Variants in CYP4Z1 observed in about 807,000 individuals in gnomAD.
The protein encoded by CYP4Z1 is cytochrome P450 4Z1.
A neutral mutation model predicts 54.2 loss-of-function variants in CYP4Z1; 41 were observed. The ratio of observed to expected loss-of-function variants is 0.76; its 90% CI spans 0.59 to 0.98. The LOEUF is 0.98. Among genes scored for constraint, CYP4Z1 ranks in the 50% least tolerant of loss-of-function variants. CYP4Z1 has a pLI of 0.00. For missense variants in CYP4Z1, 513 were observed against 599.0 expected, an observed-to-expected ratio of 0.86 and a Z score of 1.50; for synonymous variants, 163 against 206.2, an observed-to-expected ratio of 0.79 and a Z score of 1.79.
chr1:47,058,367 A>T, the CYP4Z1 span, among the ~76,000 whole-genome samples: 1 of 152,102 alleles, frequency 6.6e-6, no homozygotes, highest in Non-Finnish European at 1.5e-5. Flanking sequence ...CCAGGCTCAG[A>T]AACATTTTCT....
chr1:47,061,293 AT>A, the CYP4Z1 span, among the ~76,000 whole-genome samples: 2 of 152,288 alleles, frequency 1.3e-5, no homozygotes, highest in South Asian at 4.1e-4. Flanking sequence ...AGCCACACTA[AT>A]AAAGAAGAAA....
chr1:47,115,816 G>T (rs1451408477), intron 10 of CYP4Z1, among the ~76,000 whole-genome samples: 1 of 152,136 alleles, frequency 6.6e-6, no homozygotes, highest in Non-Finnish European at 1.5e-5. Flanking sequence ...TCATCCCCTG[G>T]GAAGTAGAGG....
At chr1:47,090,435 G>C (rs1569726982) in intron 6 of CYP4Z1, among the ~76,000 whole-genome samples, 2 of 152,324 alleles carry the variant, frequency 1.3e-5, no homozygotes. Context: ...TCCCACAAGA[G>C]TGGCATAGTA....
intron 8 of CYP4Z1, among the ~76,000 whole-genome samples, chr1:47,104,354 G>C (rs979657831): frequency 5.3e-5 from 8 of 152,206 alleles, no homozygotes; most frequent in Admixed American, 1.3e-4. Context: ...AGTAGGCTGA[G>C]CATGCCCGTT....
intron 4 of CYP4Z1, 44 bp downstream of exon 4, chr1:47,082,505 G>A (rs767293654): frequency 1.3e-6 from 2 of 1,579,528 alleles, no homozygotes; most frequent in Admixed American, 1.8e-5. Context: ...CTGAAGTGAG[G>A]TGCTGCCAGC....
intron 4 of CYP4Z1, 116 bp downstream of exon 4, chr1:47,082,577 T>G: frequency 6.9e-7 from 1 of 1,451,296 alleles, no homozygotes; most frequent in Non-Finnish European, 9.2e-7. Flanking sequence ...TATATGGGGT[T>G]ATTTGATGTT....
chr1:47,069,217 G>C (rs1054146729), intron 2 of CYP4Z1, among the ~76,000 whole-genome samples: 2 of 152,240 alleles, frequency 1.3e-5, no homozygotes, highest in African/African-American at 4.8e-5. Flanking sequence ...CTGGCAAGTG[G>C]ACACCAGTTC....
At chr1:47,105,920 G>C (rs199826013) in intron 8 of CYP4Z1, among the ~76,000 whole-genome samples, 4 of 50,954 alleles carry the variant, frequency 7.9e-5, no homozygotes, top group African/African-American at 2.0e-4. Context: ...TATATCTGCG[G>C]GGGGGGGAGA....
intron 8 of CYP4Z1, among the ~76,000 whole-genome samples, chr1:47,101,415 T>C (rs1644720652): frequency 6.6e-6 from 1 of 152,192 alleles, no homozygotes; most frequent in African/African-American, 2.4e-5. Context: ...GCACTGCTTT[T>C]ACTGTATGTC....
chr1:47,101,049 T>A (rs1359832708), intron 8 of CYP4Z1, among the ~76,000 whole-genome samples: 1 of 152,228 alleles, frequency 6.6e-6, no homozygotes, highest in East Asian at 1.9e-4. Flanking sequence ...AGTGTGCAGT[T>A]GTTCATAATA....
Position 47,099,185 on chromosome 1 carries a change from T to A in CYP4Z1, c.968T>A (p.Ile323Asn), listed in dbSNP as rs2148536558. 6 of 1,613,962 alleles carry A rather than the reference T, an allele frequency of 3.7e-6. No individual in the cohort carries two copies. The highest frequency in any genetic ancestry group is 2.2e-5 in the East Asian group (1 of 44,840). ...GGACATGACACCACATCCAGTGCTA[T>A]CTCCTGGATCCTTTACTGCTTGGCA... is the stretch of plus-strand genomic sequence containing the variant. ...FAGHDTTSSA[I>N]SWILYCLAKY... The change falls in exon 8 of 12, where the codon ATC becomes AAC. Residue 323 changes from isoleucine to asparagine, a missense_variant. Physicochemically the swap from Ile to Asn is moderately radical, Grantham distance 149. Transcript: ENST00000334194.
intron 6 of CYP4Z1, among the ~76,000 whole-genome samples, chr1:47,090,542 A>G (rs1219685132): frequency 6.6e-5 from 10 of 152,356 alleles, no homozygotes; most frequent in Non-Finnish European, 1.3e-4. Context: ...CCCTGCAAAT[A>G]TGCGTTAAAA....
intron 7 of CYP4Z1, chr1:47,096,704 C>A (rs540432708): frequency 4.0e-5 from 6 of 150,964 alleles, no homozygotes; most frequent in African/African-American, 1.5e-4. Context: ...TCTTGGCTCA[C>A]TGCAAACTCC....
chr1:47,101,629 A>G (rs1644722123), intron 8 of CYP4Z1, among the ~76,000 whole-genome samples: 1 of 151,978 alleles, frequency 6.6e-6, no homozygotes, highest in Non-Finnish European at 1.5e-5. Context: ...TATGATTTTA[A>G]TTTTTTAAAA....
At chr1:47,085,941 G>T (rs1346152940) in intron 6 of CYP4Z1, among the ~76,000 whole-genome samples, 2 of 149,804 alleles carry the variant, frequency 1.3e-5, no homozygotes, top group Non-Finnish European at 3.0e-5. Context: ...AGAACATGCG[G>T]TGTCTGGTTT....
chr1:47,079,417 G>A (rs1025372770), intron 2 of CYP4Z1, among the ~76,000 whole-genome samples: 2 of 152,146 alleles, frequency 1.3e-5, no homozygotes, highest in African/African-American at 4.8e-5. Context: ...GCTTTGGGAA[G>A]GGATGGCCCT....
intron 6 of CYP4Z1, among the ~76,000 whole-genome samples, chr1:47,086,263 C>T (rs549814340): frequency 1.3e-5 from 2 of 152,272 alleles, no homozygotes; most frequent in South Asian, 2.1e-4. Flanking sequence ...CTTGAGGAAT[C>T]GCCACACTGT....
the CYP4Z1 span, among the ~76,000 whole-genome samples, chr1:47,058,280 T>C: frequency 5.9e-5 from 9 of 152,054 alleles, no homozygotes; most frequent in African/African-American, 2.2e-4. Context: ...TTTATTATAA[T>C]TATAATTTTT....
At chr1:47,115,723 C>A in intron 10 of CYP4Z1, 130 bp downstream of exon 10, 2 of 866,676 alleles carry the variant, frequency 2.3e-6, no homozygotes, top group South Asian at 1.6e-5. Flanking sequence ...AGAACAAAAA[C>A]CCTATGCTTT....
Sources: gnomAD v4.1 joint callset for allele counts (sites outside exome capture counted in the v4.1 genomes callset) on GRCh38, gnomAD v4.1.1 for gene constraint, MANE v1.5 for transcripts, NCBI Gene and HGNC (gene_info 2026-07-23, HGNC 2026-07-21) for gene names.